LIMCH1: variants seen among roughly 807,000 people sequenced by gnomAD.
The protein encoded by LIMCH1 is LIM and calponin homology domains-containing protein 1.
In LIMCH1, 113 loss-of-function variants were observed where a neutral mutation model predicts 176.5. That is an observed-to-expected ratio of 0.64 (90% confidence interval 0.55 to 0.75). The LOEUF (loss-of-function observed/expected upper bound fraction) is 0.75, where lower values mean the gene tolerates loss of function less well. Ranked by LOEUF, LIMCH1 falls within the 30% of genes least tolerant of loss-of-function variation. LIMCH1 has a pLI of 0.00. For synonymous variants in LIMCH1, 619 were observed against 645.9 expected, an observed-to-expected ratio of 0.96 and a Z score of 0.63; for missense variants, 1,674 against 1,814.9, an observed-to-expected ratio of 0.92 and a Z score of 1.41.
At chr4:41,443,390 A>C (rs904036924) in intron 1 of LIMCH1, among the ~76,000 whole-genome samples, 1 of 152,204 alleles carries the variant, frequency 6.6e-6, no homozygotes, top group African/African-American at 2.4e-5. Flanking sequence ...GTTGAATTAA[A>C]TAACAACATT....
At chr4:41,463,118 G>A (rs2065614507) in intron 1 of LIMCH1, among the ~76,000 whole-genome samples, 1 of 151,662 alleles carries the variant, frequency 6.6e-6, no homozygotes, top group Admixed American at 6.6e-5. Context: ...TTCACCTCCT[G>A]GAAGGTCCCA....
chr4:41,419,184 TTTTA>T lies in LIMCH1; in HGVS notation c.96+58251_96+58254del, dbSNP rs1346997149. On this transcript the variant is annotated intron_variant, in intron 1 of 26. Transcript: ENST00000313860. Reference sequence around the variant, plus strand: ...TTTTATTTCATTTTATTTTATTTAATTTTATTATTTTGAGACGGAGTCTAGCTCT... The same window carrying T: ...TTTTATTTCATTTTATTTTATTTAATTTATTTTGAGACGGAGTCTAGCTCT... Among the ~76,000 whole-genome samples, 337 of 80,940 alleles carry T rather than the reference TTTTA, an allele frequency of 4.2e-3. 4 individuals carry two copies. Among genetic ancestry groups the T allele is most frequent in the African/African-American group, 0.022 (295 of 13,354 alleles). 53.1% of individuals were successfully genotyped at this position (80,940 alleles called of 152,430 possible).
At chr4:41,362,400 G>C (rs2052254420) in intron 1 of LIMCH1, among the ~76,000 whole-genome samples, 1 of 152,194 alleles carries the variant, frequency 6.6e-6, no homozygotes, top group Non-Finnish European at 1.5e-5. Flanking sequence ...TGCCTGTGTT[G>C]CGTACTTATG....
Position 41,603,607 on chromosome 4 carries a change from G to A in LIMCH1, c.-133-268G>A, listed in dbSNP as rs148349476. ...ACTATGAATAGTCCCAGTTCTGATCGGACTTTTTCTATTTCCAGAAATTAT... is the reference window on the plus strand; with the variant it reads ...ACTATGAATAGTCCCAGTTCTGATCAGACTTTTTCTATTTCCAGAAATTAT... On this transcript the variant is annotated intron_variant, in intron 2 of 31. Transcript: ENST00000503057. Among the ~76,000 whole-genome samples the A allele has an allele frequency of 5.2e-3, 785 of 152,178 alleles. 1 individual carries two copies. Among genetic ancestry groups the A allele is most frequent in the South Asian group, 8.9e-3 (43 of 4,822 alleles).
intron 18 of LIMCH1, among the ~76,000 whole-genome samples, chr4:41,659,565 A>T (rs2094553379): frequency 6.6e-6 from 1 of 152,192 alleles, no homozygotes; most frequent in Non-Finnish European, 1.5e-5. Context: ...ATTTATGGAT[A>T]AAATATATAT....
chr4:41,533,160 G>C (rs940562909), upstream of LIMCH1, among the ~76,000 whole-genome samples: 4 of 152,166 alleles, frequency 2.6e-5, no homozygotes, highest in African/African-American at 9.7e-5. Context: ...AAGCAGGAAG[G>C]GCCTGAGAAA....
chr4:41,589,368 G>A (rs898540342), intron 1 of LIMCH1, among the ~76,000 whole-genome samples: 2 of 152,164 alleles, frequency 1.3e-5, no homozygotes, highest in Non-Finnish European at 2.9e-5. Flanking sequence ...GGCTGAAGCC[G>A]CATCGGGGGT....
intron 4 of LIMCH1, among the ~76,000 whole-genome samples, chr4:41,612,028 C>T (rs1284849429): frequency 6.6e-6 from 1 of 152,186 alleles, no homozygotes; most frequent in Non-Finnish European, 1.5e-5. Context: ...GCCGGCTCTA[C>T]TCACCCAGGC....
At chr4:41,411,181 C>T (rs963170164) in intron 1 of LIMCH1, among the ~76,000 whole-genome samples, 4 of 152,326 alleles carry the variant, frequency 2.6e-5, no homozygotes, top group South Asian at 2.1e-4. Flanking sequence ...TGAATCCAGG[C>T]AGTCTGGCTC....
rs1731514702 is a variant in LIMCH1 at position 41,697,580 on chromosome 4, G to A, written c.*395G>A. 5.5e-6 allele frequency: 1 copy of A among 181,238 alleles called. No individual in the cohort carries two copies. Among genetic ancestry groups the A allele is most frequent in the Non-Finnish European group, 1.1e-5 (1 of 87,476 alleles). The allele number at this position is 181,238 out of a possible 1,614,324, so 11.2% of individuals were successfully genotyped here. On this transcript the variant is annotated 3_prime_UTR_variant, in exon 32 of 32. Transcript: ENST00000503057. ...TTAAACACTTTATGTTTACAGAATT[G>A]AGCTGCAGAAAGTGCAAGACATGCC...
intron 1 of LIMCH1, among the ~76,000 whole-genome samples, chr4:41,472,462 C>G (rs907777872): frequency 6.6e-6 from 1 of 151,968 alleles, no homozygotes; most frequent in Non-Finnish European, 1.5e-5. Flanking sequence ...CTCTGTCACC[C>G]TGGCTCGAGT....
intron 20 of LIMCH1, 67 bp from the exon 21 acceptor site, chr4:41,666,492 TTG>T: frequency 1.1e-6 from 1 of 927,010 alleles, no homozygotes; most frequent in Admixed American, 1.8e-5. Flanking sequence ...GATCCTTAAA[TTG>T]TGTGTCACCT....
intron 1 of LIMCH1, among the ~76,000 whole-genome samples, chr4:41,556,747 C>T (rs1044437753): frequency 1.3e-5 from 2 of 152,136 alleles, no homozygotes; most frequent in Admixed American, 6.5e-5. Context: ...TGGCTTCTTT[C>T]AGTATAGACA....
At chr4:41,372,901 A>G (rs1561160087) in intron 1 of LIMCH1, among the ~76,000 whole-genome samples, 1 of 152,160 alleles carries the variant, frequency 6.6e-6, no homozygotes. Context: ...CTTGGCTGCG[A>G]TTATTCCTGT....
intron 2 of LIMCH1, among the ~76,000 whole-genome samples, chr4:41,517,340 C>T (rs574297331): frequency 8.5e-5 from 13 of 152,150 alleles, no homozygotes; most frequent in South Asian, 4.2e-4. Context: ...AGTGTGTGCC[C>T]GAGACAGCAG....
At chr4:41,610,660 T>C (rs769236962) in intron 4 of LIMCH1, among the ~76,000 whole-genome samples, 12 of 152,200 alleles carry the variant, frequency 7.9e-5, no homozygotes, top group African/African-American at 2.4e-4. Context: ...GCGTTATTAT[T>C]AGTCCCATTT....
chr4:41,553,005 T>G (rs2080711376), intron 1 of LIMCH1, among the ~76,000 whole-genome samples: 1 of 152,180 alleles, frequency 6.6e-6, no homozygotes, highest in South Asian at 2.1e-4. Context: ...TGAATGGAGA[T>G]TTATAAAATC....
rs28522757 is a variant in LIMCH1, at chr4:41,397,236, G to A, written c.96+36300G>A. On this transcript the variant is annotated intron_variant, in intron 1 of 26. Coordinates refer to the LIMCH1 transcript ENST00000313860. ...GTGTCTGGTTGTGATGCCTGGAATT[G>A]CTGCAGTTATTTTGCTACCCGCCTG... is the stretch of plus-strand genomic sequence containing the variant. Among the ~76,000 whole-genome samples, 1,425 of 152,282 alleles carry A rather than the reference G, an allele frequency of 9.4e-3. 24 individuals are homozygous for A. The highest frequency in any genetic ancestry group is 0.033 in the African/African-American group (1,356 of 41,546).
chr4:41,371,061 A>C (rs1236290343), intron 1 of LIMCH1, among the ~76,000 whole-genome samples: 1 of 152,142 alleles, frequency 6.6e-6, no homozygotes, highest in African/African-American at 2.4e-5. Flanking sequence ...GTATATATTT[A>C]CTTATTGGAA....
Sources: allele counts gnomAD v4.1 joint callset (sites outside exome capture counted in the v4.1 genomes callset), GRCh38; gene constraint gnomAD v4.1.1; transcripts MANE v1.5; gene names NCBI Gene and HGNC (gene_info 2026-07-23, HGNC 2026-07-21).